Variants in CELF4 observed in about 807,000 individuals in gnomAD.
The protein encoded by CELF4 is CUGBP Elav-like family member 4, also known as CUG-BP- and ETR-3-like factor 4.
CELF4 carries 18 observed loss-of-function variants against 59.9 expected under a neutral mutation model. The observed-to-expected ratio is 0.30, with a 90% CI of 0.21 to 0.45. CELF4 has a LOEUF of 0.45. CELF4 is among the 20% of genes least tolerant of loss of function. The pLI is 1.00. For missense variants in CELF4, 456 were observed against 689.0 expected (o/e 0.66, Z 3.79); for synonymous variants, 261 against 267.1 (o/e 0.98, Z 0.22).
chr18:37,292,560 G>A (rs566033324), intron 3 of CELF4, among the ~76,000 whole-genome samples: 1 of 152,194 alleles, frequency 6.6e-6, no homozygotes, highest in Non-Finnish European at 1.5e-5. Flanking sequence ...ACGCGGGCAG[G>A]CCAGGTACTT....
intron 3 of CELF4, among the ~76,000 whole-genome samples, chr18:37,304,920 C>T (rs2096296883): frequency 6.6e-6 from 1 of 152,088 alleles, no homozygotes; most frequent in South Asian, 2.1e-4. Context: ...AAACAGGAGC[C>T]AGCAGTGGTC....
At chr18:37,283,781 C>T (rs1041710743) in intron 3 of CELF4, among the ~76,000 whole-genome samples, 5 of 151,548 alleles carry the variant, frequency 3.3e-5, no homozygotes, top group Admixed American at 6.6e-5. Context: ...AAAAGGCCTG[C>T]GCTGGACCCT....
chr18:37,383,384 A>G (rs926081923), intron 2 of CELF4, among the ~76,000 whole-genome samples: 7 of 152,238 alleles, frequency 4.6e-5, no homozygotes, highest in Admixed American at 6.5e-5. Flanking sequence ...AACTGGGGGC[A>G]GGAGGAAAAC....
intron 2 of CELF4, among the ~76,000 whole-genome samples, chr18:37,414,590 C>T (rs1317519767): frequency 6.7e-6 from 1 of 149,180 alleles, no homozygotes; most frequent in Non-Finnish European, 1.5e-5. Flanking sequence ...CTCTGCCTCC[C>T]AGGTTCATGC....
intron 1 of CELF4, among the ~76,000 whole-genome samples, chr18:37,519,677 G>A (rs1031611941): frequency 1.3e-5 from 2 of 152,156 alleles, no homozygotes; most frequent in Non-Finnish European, 2.9e-5. Context: ...AGTCACTGAG[G>A]AGCCCCTGCC....
intron 1 of CELF4, among the ~76,000 whole-genome samples, chr18:37,493,719 C>A (rs1285717929): frequency 6.6e-6 from 1 of 152,108 alleles, no homozygotes; most frequent in African/African-American, 2.4e-5. Context: ...TAAGCCAATG[C>A]ATCAGAGGCT....
At chr18:37,286,319 C>T (rs1021256335) in intron 3 of CELF4, among the ~76,000 whole-genome samples, 13 of 152,344 alleles carry the variant, frequency 8.5e-5, no homozygotes, top group Admixed American at 4.6e-4. Context: ...CGCAGAGCTG[C>T]ACAGTGATAA....
At chr18:37,556,342 ACTT>A (rs2099984785) in intron 1 of CELF4, among the ~76,000 whole-genome samples, 1 of 152,184 alleles carries the variant, frequency 6.6e-6, no homozygotes, top group Admixed American at 6.5e-5. Flanking sequence ...ATTCAGCTCT[ACTT>A]TCTAAAGACC....
chr18:37,380,889 C>A (rs1190059406), intron 2 of CELF4, among the ~76,000 whole-genome samples: 1 of 149,070 alleles, frequency 6.7e-6, no homozygotes, highest in African/African-American at 2.5e-5. Flanking sequence ...AATCCAGTAT[C>A]CATCATTCAT....
intron 12 of CELF4, among the ~76,000 whole-genome samples, chr18:37,247,814 C>G (rs1027714447): frequency 1.3e-5 from 2 of 152,170 alleles, no homozygotes; most frequent in Non-Finnish European, 2.9e-5. Flanking sequence ...AAAACAGCCC[C>G]TCAAACCACC....
chr18:37,338,602 C>G (rs1255266976), intron 2 of CELF4, among the ~76,000 whole-genome samples: 1 of 152,140 alleles, frequency 6.6e-6, no homozygotes, highest in Non-Finnish European at 1.5e-5. Flanking sequence ...ATGGCAGGCC[C>G]CTACAATCTT....
At chr18:37,258,656 G>A (rs2071901957) in intron 11 of CELF4, among the ~76,000 whole-genome samples, 1 of 152,100 alleles carries the variant, frequency 6.6e-6, no homozygotes, top group South Asian at 2.1e-4. Context: ...CAGAGAGCTG[G>A]AGAGAGGAGG....
intron 2 of CELF4, among the ~76,000 whole-genome samples, chr18:37,481,972 G>A (rs1431420657): frequency 6.6e-6 from 1 of 152,242 alleles, no homozygotes; most frequent in Non-Finnish European, 1.5e-5. Flanking sequence ...ATAAAATGAG[G>A]CAATGTAGGT....
At chr18:37,329,704 T>C (rs1489560179) in intron 2 of CELF4, among the ~76,000 whole-genome samples, 2 of 152,232 alleles carry the variant, frequency 1.3e-5, no homozygotes, top group Non-Finnish European at 2.9e-5. Context: ...GAGGCTGAAC[T>C]ATGCATGAGC....
At chr18:37,426,306 T>C (rs2099612104) in intron 2 of CELF4, among the ~76,000 whole-genome samples, 1 of 152,184 alleles carries the variant, frequency 6.6e-6, no homozygotes, top group Admixed American at 6.5e-5. Context: ...TCAGCCTCAG[T>C]TTCCCCTTAT....
At chr18:37,431,420 C>T (rs1305072739) in intron 2 of CELF4, among the ~76,000 whole-genome samples, 9 of 132,214 alleles carry the variant, frequency 6.8e-5, no homozygotes, top group Admixed American at 9.1e-5. Context: ...CAGGCTGGAG[C>T]GCAGTGGTGC....
chr18:37,469,012 C>T (rs2099815163), intron 2 of CELF4, among the ~76,000 whole-genome samples: 2 of 152,190 alleles, frequency 1.3e-5, no homozygotes. Context: ...ACATACTTCT[C>T]TAAAAGTGTA....
chr18:37,259,282 G>A lies in CELF4; in HGVS notation c.1250-18C>T. On this transcript the variant is annotated intron_variant, in intron 10 of 12. Transcript: ENST00000420428. Reference sequence around the variant, plus strand: ...CTCGGGCCCTGCGGTGAGGGGAGGGGGTGGGCGGGGGAGGAGGGATGGCAG... The same window carrying A: ...CTCGGGCCCTGCGGTGAGGGGAGGGAGTGGGCGGGGGAGGAGGGATGGCAG... 1 of 980,958 alleles carries A rather than the reference G, an allele frequency of 1.0e-6. No homozygotes were observed. Among genetic ancestry groups the A allele is most frequent in the Non-Finnish European group, 1.6e-6 (1 of 623,820 alleles). The allele number at this position is 980,958 out of a possible 1,614,324, so 60.8% of individuals were successfully genotyped here.
chr18:37,435,558 C>G (rs886376725), intron 2 of CELF4, among the ~76,000 whole-genome samples: 55 of 152,166 alleles, frequency 3.6e-4, no homozygotes, highest in African/African-American at 1.3e-3. Context: ...GAGACAACTG[C>G]CAGGTTTTGA....
Sources: gnomAD v4.1 joint callset for allele counts (sites outside exome capture counted in the v4.1 genomes callset) on GRCh38, gnomAD v4.1.1 for gene constraint, MANE v1.5 for transcripts, NCBI Gene and HGNC (gene_info 2026-07-23, HGNC 2026-07-21) for gene names.